Variants in STK33 observed in about 807,000 individuals in gnomAD.
STK33 encodes the protein serine/threonine kinase 33, also known as serine/threonine-protein kinase 33.
A neutral mutation model predicts 58.0 loss-of-function variants in STK33; 52 were observed. The ratio of observed to expected loss-of-function variants is 0.90; its 90% confidence interval spans 0.72 to 1.13. The LOEUF is 1.13. Ranked by LOEUF, STK33 falls within the 50% of genes most tolerant of loss-of-function variation. The probability of loss-of-function intolerance (pLI) is 0.00; values close to 1 mark genes in which losing one functional copy is unlikely to be tolerated. For missense variants in STK33, 630 were observed against 604.2 expected, an observed-to-expected ratio of 1.04 and a Z score of -0.45; for synonymous variants, 215 against 200.1, an observed-to-expected ratio of 1.07 and a Z score of -0.63.
At chr11:8,581,574 A>C (rs2030272526) in intron 1 of STK33, among the ~76,000 whole-genome samples, 2 of 152,194 alleles carry the variant, frequency 1.3e-5, no homozygotes, top group African/African-American at 4.8e-5. Context: ...AAAAGACACC[A>C]AACACTTAGA....
At chr11:8,551,393 G>C (rs756934920) in intron 1 of STK33, among the ~76,000 whole-genome samples, 3 of 152,270 alleles carry the variant, frequency 2.0e-5, no homozygotes, top group Non-Finnish European at 4.4e-5. Context: ...GACTCCCAAA[G>C]TGCTAGGATT....
chr11:8,399,846 T>C (rs11518191), intron 15 of STK33, among the ~76,000 whole-genome samples: 18,491 of 152,154 alleles, frequency 0.12, 2,331 homozygotes, highest in African/African-American at 0.32. Context: ...AACACCTCTA[T>C]GCAAATAAAC....
intron 1 of STK33, among the ~76,000 whole-genome samples, chr11:8,564,829 C>T (rs1027940552): frequency 6.6e-6 from 1 of 152,176 alleles, no homozygotes; most frequent in Non-Finnish European, 1.5e-5. Flanking sequence ...ATTCAACAAC[C>T]GGTGCCTTTA....
At chr11:8,510,039 C>A (rs1317336767) in intron 1 of STK33, among the ~76,000 whole-genome samples, 1 of 152,178 alleles carries the variant, frequency 6.6e-6, no homozygotes, top group Non-Finnish European at 1.5e-5. Context: ...ATTGCCAGAT[C>A]AAATGGTAGT....
intron 14 of STK33, among the ~76,000 whole-genome samples, chr11:8,429,057 GGAA>G (rs1943107233): frequency 1.3e-5 from 2 of 151,950 alleles, no homozygotes; most frequent in South Asian, 2.1e-4. Context: ...AAAATTCTGT[GGAA>G]GAAGTAGAAT....
intron 1 of STK33, among the ~76,000 whole-genome samples, chr11:8,534,731 T>G (rs1024192715): frequency 6.6e-6 from 1 of 151,978 alleles, no homozygotes; most frequent in Non-Finnish European, 1.5e-5. Context: ...AATCTGTGGT[T>G]CCAGTGGGCA....
chr11:8,353,672 C>T, the STK33 span, among the ~76,000 whole-genome samples: 1 of 152,162 alleles, frequency 6.6e-6, no homozygotes, highest in Non-Finnish European at 1.5e-5. Flanking sequence ...CATTGTTTTT[C>T]GGCTGTCTCA....
the STK33 span, among the ~76,000 whole-genome samples, chr11:8,382,928 C>T: frequency 6.6e-6 from 1 of 152,158 alleles, no homozygotes; most frequent in Non-Finnish European, 1.5e-5. Flanking sequence ...CAACACACTG[C>T]AAAAAGCCTC....
At chr11:8,418,046 C>T (rs1215136941) in intron 14 of STK33, among the ~76,000 whole-genome samples, 1 of 151,938 alleles carries the variant, frequency 6.6e-6, no homozygotes, top group Non-Finnish European at 1.5e-5. Flanking sequence ...GGACTATTTA[C>T]AAAATAGTTT....
intron 8 of STK33, 29 bp downstream of exon 8, chr11:8,461,776 T>C: frequency 6.7e-7 from 1 of 1,490,890 alleles, no homozygotes; most frequent in Non-Finnish European, 9.0e-7. Flanking sequence ...ATAACAACTT[T>C]CAAAATGCAG....
intron 14 of STK33, among the ~76,000 whole-genome samples, chr11:8,425,714 C>T (rs1159883693): frequency 6.6e-6 from 1 of 152,114 alleles, no homozygotes; most frequent in Non-Finnish European, 1.5e-5. Context: ...AGACAATATA[C>T]CTTTAAACAG....
intron 1 of STK33, among the ~76,000 whole-genome samples, chr11:8,521,112 G>C (rs1041182171): frequency 7.2e-5 from 11 of 151,746 alleles, no homozygotes; most frequent in Admixed American, 7.2e-4. Flanking sequence ...TTTCTTCACA[G>C]AATTGGAAAA....
chr11:8,589,768 C>G (rs2032299879), intron 1 of STK33, among the ~76,000 whole-genome samples: 1 of 152,170 alleles, frequency 6.6e-6, no homozygotes, highest in Admixed American at 6.5e-5. Context: ...TTGAAAATCA[C>G]TGCTGGATAT....
At chr11:8,460,580 C>T (rs576570963) in intron 8 of STK33, among the ~76,000 whole-genome samples, 7 of 152,028 alleles carry the variant, frequency 4.6e-5, no homozygotes, top group African/African-American at 1.7e-4. Flanking sequence ...AACTTGGAGA[C>T]CACAAAGTGG....
intron 1 of STK33, among the ~76,000 whole-genome samples, chr11:8,512,334 CA>C (rs10708508): frequency 0.55 from 83,087 of 151,504 alleles, 23,037 homozygotes; most frequent in South Asian, 0.65. Flanking sequence ...GGTAGATATA[CA>C]AAAAAAATAT....
intron 1 of STK33, among the ~76,000 whole-genome samples, chr11:8,590,067 T>C (rs2032352633): frequency 6.6e-6 from 1 of 152,170 alleles, no homozygotes; most frequent in Non-Finnish European, 1.5e-5. Flanking sequence ...GGTAAATGGA[T>C]TTTCTCCCAG....
Position 8,533,858 on chromosome 11 carries a change from T to C in STK33, c.-465-53244A>G, listed in dbSNP as rs908249001. ...CAAAAGGAAAGAAGGGCAGAATATC[T>C]GCTGTACAGTTGATAATATTTGTCC... On this transcript the variant is annotated intron_variant, in intron 1 of 15. Coordinates refer to ENST00000687296, the MANE Select transcript of STK33 (RefSeq NM_001352389.2). 2.0e-5 allele frequency among the ~76,000 whole-genome samples: 3 copies of C among 152,244 alleles called. 1 individual carries two copies. The highest frequency in any genetic ancestry group is 6.5e-5 in the Admixed American group (1 of 15,282).
intron 11 of STK33, among the ~76,000 whole-genome samples, chr11:8,447,443 C>T (rs1457894621): frequency 6.6e-6 from 1 of 152,176 alleles, no homozygotes; most frequent in African/African-American, 2.4e-5. Flanking sequence ...CCACCATGAT[C>T]AAGTGGGCTT....
intron 1 of STK33, among the ~76,000 whole-genome samples, chr11:8,524,985 T>C (rs1234473732): frequency 1.3e-5 from 2 of 152,128 alleles, no homozygotes; most frequent in South Asian, 2.1e-4. Flanking sequence ...ATATTAAATA[T>C]GTACAGCTGT....
Sources: gnomAD v4.1 joint callset for allele counts (sites outside exome capture counted in the v4.1 genomes callset) on GRCh38, gnomAD v4.1.1 for gene constraint, MANE v1.5 for transcripts, NCBI Gene and HGNC (gene_info 2026-07-23, HGNC 2026-07-21) for gene names.